FAM83H: variants seen among roughly 807,000 people sequenced by gnomAD.
FAM83H encodes scaffolding CK1 anchoring protein H, also known as protein FAM83H.
Under a neutral mutation model 30.2 loss-of-function variants are expected in FAM83H, and 24 were observed. The ratio of observed to expected loss-of-function variants is 0.79; its 90% CI spans 0.57 to 1.12. The LOEUF (loss-of-function observed/expected upper bound fraction) is 1.12, where lower values mean the gene tolerates loss of function less well. Among genes scored for constraint, FAM83H ranks in the 50% most tolerant of loss-of-function variants. The pLI is 0.00. For synonymous variants in FAM83H, 1,013 were observed against 821.7 expected (o/e 1.23, Z -3.98); for missense variants, 2,038 against 1,773.9 (o/e 1.15, Z -2.67).
chr8:143,726,870 T>C lies in FAM83H; in HGVS notation c.2591A>G (p.His864Arg), dbSNP rs782653370. ...LEGSGAHQVL[H>R]NESKGSPTSA... ...GGTGGGGCTCCCTTTTGACTCATTA[T>C]GGAGCACCTGGTGCGCTCCGGACCC... Residue 864 changes from histidine to arginine, a missense_variant, in exon 5 of 5, where the codon CAT becomes CGT. Physicochemically the swap from His to Arg is conservative, Grantham distance 29. Transcript: ENST00000388913. The C allele has an allele frequency of 1.4e-5, 23 of 1,612,822 alleles. No individual in the cohort carries two copies. The highest frequency in any genetic ancestry group is 1.9e-5 in the Non-Finnish European group (22 of 1,179,932).
rs962459964 is a variant in FAM83H, at chr8:143,733,458, G to A, written c.-16+233C>T. ...CTTCCCCCTCGGCTCTTTTCGGGCC[G>A]GCGTCGTGCGGGGGCGCTCGCGTCC... On this transcript the variant is annotated intron_variant, in intron 1 of 4. Coordinates refer to ENST00000388913, the MANE Select transcript of FAM83H (RefSeq NM_198488.5). The surrounding 1 kb of genome is among the most constrained non-coding windows in gnomAD (Gnocchi z 5.6). Among the ~76,000 whole-genome samples, 3 of 152,114 alleles carry A rather than the reference G, an allele frequency of 2.0e-5. No individual in the cohort carries two copies. Among genetic ancestry groups the A allele is most frequent in the Admixed American group, 6.5e-5 (1 of 15,280 alleles).
Position 143,727,406 on chromosome 8 carries a change from C to T in FAM83H, c.2055G>A (p.Ser685=). ...CGGCCTGTGACGTGCTGAAGATGAGCGAGGAGCGCAGCCTGGAGCTGCGCT... is the reference window on the plus strand; with the variant it reads ...CGGCCTGTGACGTGCTGAAGATGAGTGAGGAGCGCAGCCTGGAGCTGCGCT... ...LVQRSSRLRS[S]LIFSTSQAEG... The change falls in exon 5 of 5, where the codon TCG becomes TCA. Residue 685 remains serine (S), a synonymous_variant. Coordinates refer to ENST00000388913, the MANE Select transcript of FAM83H (RefSeq NM_198488.5). 1 of 1,571,560 alleles carries T rather than the reference C, an allele frequency of 6.4e-7. No homozygotes were observed. Among genetic ancestry groups the T allele is most frequent in the Non-Finnish European group, 8.6e-7 (1 of 1,166,738 alleles).
rs370111651 is a variant in FAM83H, at chr8:143,729,049, G to C, written c.655C>G (p.Arg219Gly). 2 of 1,613,558 alleles carry C rather than the reference G, an allele frequency of 1.2e-6. No individual in the cohort carries two copies. Residue 219 changes from arginine to glycine, a missense_variant, in exon 4 of 5, where the codon CGC becomes GGC. By Grantham distance (125) the Arg-to-Gly change is moderately radical. Coordinates refer to ENST00000388913, the MANE Select transcript of FAM83H (RefSeq NM_198488.5). ...TGGCCCTTGAAGGACTTCCCAGTGC[G>C]GCAGTAGTAGGTGGGGCCCGCCACA... ...RTVAGPTYYC[R>G]TGKSFKGHVK...
Position 143,727,532 on chromosome 8 carries a change from T to A in FAM83H, c.1929A>T (p.Pro643=). 1 of 1,583,866 alleles carries A rather than the reference T, an allele frequency of 6.3e-7. No homozygotes were observed. Among genetic ancestry groups the A allele is most frequent in the Non-Finnish European group, 8.5e-7 (1 of 1,172,420 alleles). ...GGCCGTTGCCGCCGCTGCCCGGGCC[T>A]GGCACCGGGACCTTGGTGGGGAAGG... ...PAAFPTKVPV[P]GPGSGGNGPE... Residue 643 remains proline, a synonymous_variant, in exon 5 of 5, where the codon CCA becomes CCT. Transcript: ENST00000388913.
At position 143,728,063 on chromosome 8, in the gene FAM83H, C is replaced by T; in HGVS notation, c.1398G>A (p.Pro466=). Residue 466 remains proline, a synonymous_variant, in exon 5 of 5, where the codon CCG becomes CCA. Coordinates refer to ENST00000388913, the MANE Select transcript of FAM83H (RefSeq NM_198488.5). ...TCTCGAACAGGCCTTGCGGGCGCGC[C>T]GGCGTGAGCTGCGGGTCCCACTGGT... The part of the protein sequence containing the change: ...QQYQWDPQLT[P]ARPQGLFEKL... The T allele has an allele frequency of 1.2e-6, 2 of 1,610,148 alleles. No homozygotes were observed. Among genetic ancestry groups the T allele is most frequent in the Non-Finnish European group, 1.7e-6 (2 of 1,179,282 alleles).
rs1818428405 is a variant in FAM83H, at chr8:143,729,326, G to A, written c.448-3C>T. 1.2e-6 allele frequency: 2 copies of A among 1,612,750 alleles called. No homozygotes were observed. The highest frequency in any genetic ancestry group is 2.7e-5 in the African/African-American group (2 of 74,906). On this transcript the variant is annotated splice_polypyrimidine_tract_variant and splice_region_variant and intron_variant, in intron 2 of 4. Transcript: ENST00000388913. ...ATGTCCATCACCACGGCCACCACCT[G>A]CAGGGGCGGGTCAGGACGGAGAGGA...
In FAM83H at chr8:143,730,317, T is replaced by C. The variant is rs1180245689; in HGVS notation, c.266A>G (p.Asp89Gly). The C allele has an allele frequency of 6.2e-7, 1 of 1,613,728 alleles. No homozygotes were observed. Among genetic ancestry groups the C allele is most frequent in the African/African-American group, 1.3e-5 (1 of 75,064 alleles). The change falls in exon 2 of 5, where the codon GAT becomes GGT. Residue 89 changes from aspartate to glycine, a missense_variant. Coordinates refer to ENST00000388913, the MANE Select transcript of FAM83H (RefSeq NM_198488.5). ...TGGCCAGTATGTACCCGAGGAGCCA[T>C]CCATGTCCACGTCGAGAAGGCTGCC... ...PEGSLLDVDM[D>G]GSSGTYWPVN...
At chr8:143,732,681 A>G in intron 1 of FAM83H, 1 of 985,072 alleles carries the variant, frequency 1.0e-6, no homozygotes, top group Non-Finnish European at 1.2e-6. Flanking sequence ...TTCATTCCTC[A>G]CGTCGTCTCC....
intron 4 of FAM83H, 41 bp downstream of exon 4, chr8:143,728,926 G>A (rs374012954): frequency 6.8e-5 from 110 of 1,612,536 alleles, no homozygotes; most frequent in Non-Finnish European, 8.8e-5. Flanking sequence ...GTTACAGGAG[G>A]AGGCCCCAGA....
intron 1 of FAM83H, 84 bp from the exon 2 acceptor site, chr8:143,730,681 G>T: frequency 9.9e-7 from 1 of 1,015,076 alleles, no homozygotes; most frequent in Non-Finnish European, 1.4e-6. Flanking sequence ...TGTGGAAAGG[G>T]CCGTCAGTGA....
Position 143,730,402 on chromosome 8 carries a change from G to A in FAM83H, c.181C>T (p.Leu61=). The change falls in exon 2 of 5, where the codon CTG becomes TTG. Residue 61 remains leucine, a synonymous_variant. Transcript: ENST00000388913. ...GAPDFLCPEE[L]EHVSRHLRPP... is the part of the protein sequence containing the mutation. ...CGAAGGTGTCGGCTCACATGTTCCAGCTCTTCAGGGCACAGGAAGTCTGGT... is the reference window on the plus strand; with the variant it reads ...CGAAGGTGTCGGCTCACATGTTCCAACTCTTCAGGGCACAGGAAGTCTGGT... 1 of 1,613,214 alleles carries A rather than the reference G, an allele frequency of 6.2e-7. No homozygotes were observed. The highest frequency in any genetic ancestry group is 8.5e-7 in the Non-Finnish European group (1 of 1,180,034).
Position 143,727,746 on chromosome 8 carries a change from G to A in FAM83H, c.1715C>T (p.Pro572Leu). The A allele has an allele frequency of 6.6e-7, 1 of 1,508,872 alleles. No homozygotes were observed. Among genetic ancestry groups the A allele is most frequent in the Non-Finnish European group, 8.8e-7 (1 of 1,136,632 alleles). The allele number at this position is 1,508,872 out of a possible 1,614,324, so 93.5% of individuals were successfully genotyped here. Residue 572 changes from proline to leucine, a missense_variant, in exon 5 of 5, where the codon CCC becomes CTC. Pro to Leu is a moderately conservative substitution (Grantham distance 98). Transcript: ENST00000388913. ...GCGCCGCAGCCCTGCCCGCCCCTCG[G>A]GCCCGCCCCTGCGCTCCGGCTCCGC... ...PEAEPERRGG[P>L]EGRAGLRRWR...
Position 143,727,074 on chromosome 8 carries a change from G to T in FAM83H, c.2387C>A (p.Ser796Tyr), listed in dbSNP as rs1212783463. 5 of 1,546,410 alleles carry T rather than the reference G, an allele frequency of 3.2e-6. No individual in the cohort carries two copies. The African/African-American group carries it at 6.8e-5, about 21-fold the overall frequency. Residue 796 changes from serine (S) to tyrosine (Y), a missense_variant, in exon 5 of 5, where the codon TCC becomes TAC. Coordinates refer to ENST00000388913, the MANE Select transcript of FAM83H (RefSeq NM_198488.5). ...LESCLLDLRDSFAQQLHQEAE... is the reference protein window; with the variant it reads ...LESCLLDLRDYFAQQLHQEAE... ...CTCCTGGTGCAGCTGCTGTGCAAAG[G>T]AGTCGCGCAGGTCCAGCAGGCAGCT...
chr8:143,725,714 G>A lies in FAM83H; in HGVS notation c.*207C>T, dbSNP rs1818264104. 2 of 761,130 alleles carry A rather than the reference G, an allele frequency of 2.6e-6. No individual in the cohort carries two copies. Among genetic ancestry groups the A allele is most frequent in the Non-Finnish European group, 4.2e-6 (2 of 481,244 alleles). The allele number at this position is 761,130 out of a possible 1,614,324, so 47.1% of individuals were successfully genotyped here. On this transcript the variant is annotated 3_prime_UTR_variant, in exon 5 of 5. Coordinates refer to ENST00000388913, the MANE Select transcript of FAM83H (RefSeq NM_198488.5). ...ACTGGTGGCGAGGGGTGCAGCCCCA[G>A]CGTTGGGGAGGCCAGGGGGCAGAGA...
At chr8:143,730,666 C>T (rs1818486551) in intron 1 of FAM83H, 69 bp from the exon 2 acceptor site, 4 of 1,147,276 alleles carry the variant, frequency 3.5e-6, no homozygotes, top group Non-Finnish European at 4.8e-6. Flanking sequence ...CGAGCATGGA[C>T]ACACTGTGGA....
Position 143,726,962 on chromosome 8 carries a change from G to A in FAM83H, c.2499C>T (p.Ser833=). The A allele has an allele frequency of 6.2e-7, 1 of 1,608,454 alleles. No homozygotes were observed. ...LGRSGSDRLP[S]RFLSAQSHST... ...AGTGGCTCTGGGCAGAGAGGAAGCG[G>A]GAAGGCAGGCGGTCGGAGCCGCTCC... is the stretch of plus-strand genomic sequence containing the variant. The change falls in exon 5 of 5, where the codon TCC becomes TCT. Residue 833 remains serine, a synonymous_variant. Coordinates refer to ENST00000388913, the MANE Select transcript of FAM83H (RefSeq NM_198488.5).
rs1473579639 is a variant in FAM83H at position 143,733,155 on chromosome 8, G to A, written c.-16+536C>T. The A allele has an allele frequency of 6.5e-6, 1 of 153,954 alleles. No homozygotes were observed. Among genetic ancestry groups the A allele is most frequent in the African/African-American group, 2.4e-5 (1 of 41,516 alleles). The allele number at this position is 153,954 out of a possible 1,614,324, so 9.5% of individuals were successfully genotyped here. On this transcript the variant is annotated intron_variant, in intron 1 of 4. Coordinates refer to ENST00000388913, the MANE Select transcript of FAM83H (RefSeq NM_198488.5). The surrounding 1 kb of genome is among the most constrained non-coding windows in gnomAD (Gnocchi z 5.6). ...GGAGTGGGCACCCCAGCCCCCAACG[G>A]GGTCAGTGCACCCTACGAGCTCGCG...
At position 143,725,888 on chromosome 8, in the gene FAM83H, G is replaced by A. The variant is rs782515617; in HGVS notation, c.*33C>T. ...TCTGGATGACCGGGGCAGCGATGCG[G>A]GCACCCTGGCCTGGGTTGCCAGGCC... On this transcript the variant is annotated 3_prime_UTR_variant, in exon 5 of 5. Transcript: ENST00000388913. 3.1e-6 allele frequency: 5 copies of A among 1,609,274 alleles called. No individual in the cohort carries two copies. Among genetic ancestry groups the A allele is most frequent in the South Asian group, 1.1e-5 (1 of 90,424 alleles).
rs782733776 is a variant in FAM83H at position 143,728,382 on chromosome 8, G to T, written c.1079C>A (p.Pro360Gln). 55 of 1,545,716 alleles carry T rather than the reference G, an allele frequency of 3.6e-5. 2 individuals are homozygous for T. In the South Asian group the frequency reaches 6.1e-4, roughly 17 times the overall value. Residue 360 changes from proline to glutamine, a missense_variant, in exon 5 of 5, where the codon CCG becomes CAG. By Grantham distance (76) the Pro-to-Gln change is moderately conservative (BLOSUM62 -1). Coordinates refer to ENST00000388913, the MANE Select transcript of FAM83H (RefSeq NM_198488.5). ...FLSAFRREEP[P>Q]RMPGGALEPH... ...TTCCAGCGCGCCCCCCGGCATCCGC[G>T]GCGGCTCCTCCCGGCGGAAGGCCGA...
Sources: gnomAD v4.1 joint callset for allele counts (sites outside exome capture counted in the v4.1 genomes callset) on GRCh38, gnomAD v4.1.1 for gene constraint, Gnocchi (gnomAD v3.1) non-coding constraint, MANE v1.5 for transcripts, NCBI Gene and HGNC (gene_info 2026-07-23, HGNC 2026-07-21) for gene names.